EXD3: variants seen among roughly 807,000 people sequenced by gnomAD.
EXD3 encodes the protein exonuclease mut-7 homolog.
Under a neutral mutation model 98.0 loss-of-function variants are expected in EXD3, and 92 were observed. The observed-to-expected ratio is 0.94, with a 90% confidence interval of 0.79 to 1.12. The LOEUF (loss-of-function observed/expected upper bound fraction) is 1.12, where lower values mean the gene tolerates loss of function less well. EXD3 is among the 50% of genes most tolerant of loss of function. The pLI is 0.00. For synonymous variants in EXD3, 569 were observed against 526.0 expected (o/e 1.08, Z -1.12); for missense variants, 1,222 against 1,191.6 (o/e 1.03, Z -0.38).
chr9:137,395,842 C>T lies in EXD3; in HGVS notation c.-47-438G>A, dbSNP rs933245149. 2.0e-5 allele frequency among the ~76,000 whole-genome samples: 3 copies of T among 152,146 alleles called. No individual in the cohort carries two copies. Among genetic ancestry groups the T allele is most frequent in the Admixed American group, 6.5e-5 (1 of 15,286 alleles). ...AGGGCGCCTGCAGGACCAGGGACCT[C>T]GGAGTGACGCCCTCACGGCTGACCC... On this transcript the variant is annotated intron_variant, in intron 1 of 21. Transcript: ENST00000340951. The surrounding 1 kb of genome is among the most constrained non-coding windows in gnomAD (Gnocchi z 6.5).
chr9:137,350,912 G>A (rs1417480420), intron 14 of EXD3, 126 bp downstream of exon 14: 2 of 733,506 alleles, frequency 2.7e-6, no homozygotes, highest in African/African-American at 1.8e-5. Context: ...CCTGGTGACT[G>A]AGGCTGTGCT....
intron 6 of EXD3, among the ~76,000 whole-genome samples, chr9:137,367,076 G>A (rs1455593009): frequency 6.6e-6 from 1 of 152,204 alleles, no homozygotes; most frequent in Non-Finnish European, 1.5e-5. Context: ...GGGCCTTGGG[G>A]CACACCAGCC....
intron 20 of EXD3, among the ~76,000 whole-genome samples, chr9:137,309,113 C>T (rs1161583754): frequency 3.3e-5 from 5 of 152,200 alleles, no homozygotes; most frequent in East Asian, 1.9e-4. Context: ...TTCCAGCCCC[C>T]GTGCAGATCT....
At position 137,349,464 on chromosome 9, in the gene EXD3, A is replaced by G; in HGVS notation, c.1562T>C (p.Leu521Pro). The G allele has an allele frequency of 6.2e-7, 1 of 1,603,716 alleles. No individual in the cohort carries two copies. The change falls in exon 15 of 22, where the codon CTG becomes CCG. Residue 521 changes from leucine (L) to proline (P), a missense_variant. By Grantham distance (98) the Leu-to-Pro change is moderately conservative (BLOSUM62 -3). Transcript: ENST00000340951. This position sits in a 1 kb window ranked among gnomAD's most constrained non-coding sequence, Gnocchi z 7.4. ...GGCTGTGCCCAGCACCTGCTGCACC[A>G]GGAGGCTCAGGCCCCTCAGCTCCCT... ...RARELRGLSL[L>P]VQQVLGTALD... is the part of the protein sequence containing the mutation.
At chr9:137,329,432 AG>A (rs1382251624) in intron 17 of EXD3, among the ~76,000 whole-genome samples, 1 of 2,258 alleles carries the variant, frequency 4.4e-4, no homozygotes, top group African/African-American at 4.8e-3. Context: ...GCTACACGGG[AG>A]CTACACGGGA....
At position 137,351,016 on chromosome 9, in the gene EXD3, G is replaced by A. The variant is rs1564501422; in HGVS notation, c.1494+22C>T. 4 of 1,547,122 alleles carry A rather than the reference G, an allele frequency of 2.6e-6. No individual in the cohort carries two copies. In the East Asian group the frequency reaches 9.8e-5, roughly 38 times the overall value. ...ACCCCAGGCCCACCCGGCATCTTGT[G>A]AGCGGCTCAGTGGGTGCCCACCTGT... On this transcript the variant is annotated intron_variant, in intron 14 of 21. Transcript: ENST00000340951.
At chr9:137,355,094 T>C (rs1213212190) in intron 8 of EXD3, among the ~76,000 whole-genome samples, 1 of 152,214 alleles carries the variant, frequency 6.6e-6, no homozygotes, top group Non-Finnish European at 1.5e-5. Context: ...CCTGCCCTTC[T>C]CTCACTGGCA....
intron 4 of EXD3, 146 bp from the exon 5 acceptor site, chr9:137,373,218 G>T: frequency 2.6e-6 from 3 of 1,155,940 alleles, no homozygotes; most frequent in East Asian, 2.4e-5. Flanking sequence ...TGGGGCACGG[G>T]AGGGGCGAGG....
At chr9:137,381,977 GCACGCAGAGGAGGTGAGGA>G (rs1564194429) in intron 3 of EXD3, among the ~76,000 whole-genome samples, 1 of 150,802 alleles carries the variant, frequency 6.6e-6, no homozygotes, top group Non-Finnish European at 1.5e-5. Flanking sequence ...GGAGGTGGGA[GCACGCAGAGGAGGTGAGGA>G]CGCGGGGAGG....
intron 4 of EXD3, 31 bp from the exon 5 acceptor site, chr9:137,373,103 C>A (rs369598671): frequency 1.1e-5 from 17 of 1,525,554 alleles, no homozygotes. Flanking sequence ...ACTTACTGGA[C>A]GCAGCACCCA....
chr9:137,359,739 G>T (rs1431188569), intron 7 of EXD3, among the ~76,000 whole-genome samples: 1 of 85,664 alleles, frequency 1.2e-5, no homozygotes, highest in Non-Finnish European at 2.9e-5. Context: ...CTCTGTCCAC[G>T]CTGCTGAGTG....
Position 137,395,749 on chromosome 9 carries a change from C to G in EXD3, c.-47-345G>C, listed in dbSNP as rs950552304. On this transcript the variant is annotated intron_variant, in intron 1 of 21. Transcript: ENST00000340951. The surrounding 1 kb of genome is among the most constrained non-coding windows in gnomAD (Gnocchi z 6.5). ...GACAGCGTGACCCCCCTTGCCATGT[C>G]CCCCTCAGGCTGTGTGTCCTGCCCT... is the stretch of plus-strand genomic sequence containing the variant. Among the ~76,000 whole-genome samples, 20 of 152,074 alleles carry G rather than the reference C, an allele frequency of 1.3e-4. No homozygotes were observed. Among genetic ancestry groups the G allele is most frequent in the Non-Finnish European group, 2.9e-4 (20 of 67,990 alleles).
At chr9:137,316,546 G>T (rs1241559307) in intron 19 of EXD3, among the ~76,000 whole-genome samples, 1 of 152,214 alleles carries the variant, frequency 6.6e-6, no homozygotes, top group Non-Finnish European at 1.5e-5. Flanking sequence ...GCCGACCCTC[G>T]CAGCTCCCAG....
chr9:137,356,426 T>C, intron 7 of EXD3, 58 bp from the exon 8 acceptor site: 2 of 1,134,338 alleles, frequency 1.8e-6, no homozygotes, highest in South Asian at 2.7e-5. Flanking sequence ...CATTTTAAGA[T>C]TTTCATTTTC....
chr9:137,337,173 A>G (rs890397923), intron 17 of EXD3, among the ~76,000 whole-genome samples: 2 of 152,216 alleles, frequency 1.3e-5, no homozygotes, highest in Non-Finnish European at 2.9e-5. Flanking sequence ...CATAATTATA[A>G]AAGATTTCAC....
chr9:137,351,446 A>C lies in EXD3; in HGVS notation c.1256T>G (p.Val419Gly), dbSNP rs1834299676. 6.2e-7 allele frequency: 1 copy of C among 1,604,582 alleles called. No homozygotes were observed. The change falls in exon 13 of 22, where the codon GTG becomes GGG. Residue 419 changes from valine to glycine, a missense_variant. Val to Gly is a moderately radical substitution (Grantham distance 109, BLOSUM62 -3). Transcript: ENST00000340951. Reference protein sequence around the residue: ...GGRPRPSLLQVAVEGHVFLLD... With the variant: ...GGRPRPSLLQGAVEGHVFLLD... ...AAGGAACACGTGGCCCTCCACGGCCACCTGCAGGAGTGACGGCCGAGGCCG... is the reference window on the plus strand; with the variant it reads ...AAGGAACACGTGGCCCTCCACGGCCCCCTGCAGGAGTGACGGCCGAGGCCG...
intron 19 of EXD3, among the ~76,000 whole-genome samples, chr9:137,318,690 G>A (rs897758352): frequency 1.3e-5 from 2 of 152,094 alleles, no homozygotes; most frequent in African/African-American, 4.8e-5. Context: ...TCTGTGGGTG[G>A]GCCGGTGGGC....
chr9:137,388,347 G>T (rs924702015), intron 2 of EXD3, among the ~76,000 whole-genome samples: 2 of 152,080 alleles, frequency 1.3e-5, no homozygotes, highest in African/African-American at 2.4e-5. Flanking sequence ...CCCCCGCGCC[G>T]GCCGACGGGA....
At chr9:137,354,071 G>C (rs967497246) in intron 10 of EXD3, 2 of 1,228,934 alleles carry the variant, frequency 1.6e-6, no homozygotes, top group African/African-American at 1.6e-5. Flanking sequence ...CAGCTCCGCT[G>C]GGTTGGTTCG....
Sources: gnomAD v4.1 joint callset for allele counts (sites outside exome capture counted in the v4.1 genomes callset) on GRCh38, gnomAD v4.1.1 for gene constraint, Gnocchi (gnomAD v3.1) non-coding constraint, MANE v1.5 for transcripts, NCBI Gene and HGNC (gene_info 2026-07-23, HGNC 2026-07-21) for gene names.